The following OPCML variants were observed in gnomAD, a reference collection of about 807,000 sequenced individuals.
OPCML encodes opioid binding protein/cell adhesion molecule like.
In OPCML, 13 loss-of-function variants were observed where a neutral mutation model predicts 37.8. The ratio of observed to expected loss-of-function variants is 0.34; its 90% CI spans 0.22 to 0.55. The LOEUF is 0.55. OPCML is among the 20% of genes least tolerant of loss of function. OPCML has a pLI of 0.91. For synonymous variants in OPCML, 176 were observed against 168.8 expected, an observed-to-expected ratio of 1.04 and a Z score of -0.33; for missense variants, 341 against 435.6, an observed-to-expected ratio of 0.78 and a Z score of 1.93.
chr11:132,627,581 G>A (rs759073241), intron 3 of OPCML, among the ~76,000 whole-genome samples: 6 of 152,152 alleles, frequency 3.9e-5, no homozygotes. Context: ...ATTTGTGGAG[G>A]AGGAAGTGAA....
intron 2 of OPCML, among the ~76,000 whole-genome samples, chr11:132,685,783 G>C (rs1048069782): frequency 3.9e-5 from 6 of 152,174 alleles, no homozygotes; most frequent in African/African-American, 1.4e-4. Context: ...AACCTGGCTT[G>C]AATCCCACCT....
At chr11:132,797,294 A>G (rs1246304078) in intron 2 of OPCML, among the ~76,000 whole-genome samples, 2 of 152,230 alleles carry the variant, frequency 1.3e-5, no homozygotes, top group African/African-American at 2.4e-5. Context: ...TGGTGTAAGA[A>G]AAAGTTCCAA....
chr11:133,345,523 T>G (rs1401361368), intron 1 of OPCML, among the ~76,000 whole-genome samples: 1 of 152,218 alleles, frequency 6.6e-6, no homozygotes, highest in Non-Finnish European at 1.5e-5. Context: ...AGTCTTTCAT[T>G]AAATGCTAGA....
At chr11:132,830,162 T>C (rs1451888811) in intron 2 of OPCML, among the ~76,000 whole-genome samples, 2 of 152,206 alleles carry the variant, frequency 1.3e-5, no homozygotes, top group Non-Finnish European at 2.9e-5. Context: ...TGCTCCTTTA[T>C]ATTCATCAAT....
intron 4 of OPCML, among the ~76,000 whole-genome samples, chr11:132,507,595 A>G (rs2096260024): frequency 1.0e-5 from 1 of 97,376 alleles, no homozygotes; most frequent in African/African-American, 3.5e-5. Flanking sequence ...AAAAACAACA[A>G]AAATTTTTTT....
At chr11:133,322,358 C>A (rs1022106217) in intron 1 of OPCML, among the ~76,000 whole-genome samples, 3 of 152,226 alleles carry the variant, frequency 2.0e-5, no homozygotes, top group Admixed American at 6.5e-5. Context: ...ATCCCGCACA[C>A]AAACACATAA....
At chr11:132,811,134 T>C (rs1338641869) in intron 2 of OPCML, among the ~76,000 whole-genome samples, 1 of 152,156 alleles carries the variant, frequency 6.6e-6, no homozygotes, top group Non-Finnish European at 1.5e-5. Flanking sequence ...AAGGGTTTAG[T>C]ATCTTGTAAG....
intron 1 of OPCML, among the ~76,000 whole-genome samples, chr11:133,145,048 G>A (rs1289254519): frequency 4.6e-5 from 7 of 152,200 alleles, no homozygotes; most frequent in African/African-American, 1.7e-4. Context: ...TGGCATGTGG[G>A]AATCAGCAGA....
chr11:133,113,086 CT>C (rs1481093656), intron 1 of OPCML, among the ~76,000 whole-genome samples: 2 of 152,160 alleles, frequency 1.3e-5, no homozygotes, highest in Non-Finnish European at 2.9e-5. Flanking sequence ...TTAAAAATAA[CT>C]CATTTAAAGC....
intron 4 of OPCML, among the ~76,000 whole-genome samples, chr11:132,519,553 G>A (rs1366934843): frequency 1.3e-5 from 2 of 152,078 alleles, no homozygotes. Flanking sequence ...ATATGTGCAT[G>A]CCAAAGCGAA....
At chr11:133,230,391 GC>G (rs113707220) in intron 1 of OPCML, among the ~76,000 whole-genome samples, 5,731 of 152,146 alleles carry the variant, frequency 0.038, 345 homozygotes, top group African/African-American at 0.13. Context: ...AAGGCGAGGT[GC>G]TGGACAGCCA....
intron 7 of OPCML, among the ~76,000 whole-genome samples, chr11:132,424,806 G>A (rs979731058): frequency 1.6e-4 from 24 of 152,332 alleles, no homozygotes; most frequent in Middle Eastern, 3.4e-3. Flanking sequence ...GGCAACTGCT[G>A]TTGGAACAGG....
intron 2 of OPCML, among the ~76,000 whole-genome samples, chr11:132,702,286 G>GA (rs1943857421): frequency 1.3e-5 from 2 of 152,120 alleles, no homozygotes; most frequent in South Asian, 4.1e-4. Context: ...GTTTGTCTAG[G>GA]AAAATCTCCT....
chr11:132,978,502 C>A (rs951138502), intron 1 of OPCML, among the ~76,000 whole-genome samples: 3 of 152,156 alleles, frequency 2.0e-5, no homozygotes, highest in Non-Finnish European at 4.4e-5. Flanking sequence ...CTCATACTGT[C>A]TTTTTGTCCC....
intron 4 of OPCML, among the ~76,000 whole-genome samples, chr11:132,443,807 A>G (rs2096044898): frequency 6.6e-6 from 1 of 152,210 alleles, no homozygotes; most frequent in Admixed American, 6.5e-5. Context: ...ACAGACTGTC[A>G]AAAGTTCCTG....
chr11:132,946,583 C>T (rs550489269), intron 1 of OPCML, among the ~76,000 whole-genome samples: 19 of 152,162 alleles, frequency 1.2e-4, no homozygotes, highest in Non-Finnish European at 2.5e-4. Context: ...CTTTTCTATA[C>T]CACTGTCATA....
chr11:133,386,218 T>G (rs1945046689), intron 1 of OPCML, among the ~76,000 whole-genome samples: 1 of 152,238 alleles, frequency 6.6e-6, no homozygotes, highest in Admixed American at 6.5e-5. Flanking sequence ...TTTTCTTTCT[T>G]TTTATTTTTA....
intron 1 of OPCML, among the ~76,000 whole-genome samples, chr11:133,178,674 C>T (rs1018302671): frequency 4.6e-5 from 7 of 152,006 alleles, no homozygotes; most frequent in African/African-American, 9.7e-5. Context: ...AATCTGAGTA[C>T]GCAAACGAGC....
chr11:132,883,064 G>A lies in OPCML; in HGVS notation c.146+59862C>T, dbSNP rs115295937. Among the ~76,000 whole-genome samples, 947 of 152,262 alleles carry A rather than the reference G, an allele frequency of 6.2e-3. 13 individuals are homozygous for A. The highest frequency in any genetic ancestry group is 0.022 in the African/African-American group (903 of 41,550). On this transcript the variant is annotated intron_variant, in intron 2 of 7. Transcript: ENST00000524381. ...TTCATGGAGGCAGTGAGGCTTTCCCGCGAACACCAAAATGGTCCGATCTGA... is the reference window on the plus strand; with the variant it reads ...TTCATGGAGGCAGTGAGGCTTTCCCACGAACACCAAAATGGTCCGATCTGA...
Sources: gnomAD v4.1 joint callset for allele counts (sites outside exome capture counted in the v4.1 genomes callset) on GRCh38, gnomAD v4.1.1 for gene constraint, MANE v1.5 for transcripts, NCBI Gene and HGNC (gene_info 2026-07-23, HGNC 2026-07-21) for gene names.